SAMD12: variants seen among roughly 807,000 people sequenced by gnomAD.
SAMD12 encodes the protein sterile alpha motif domain containing 12.
A neutral mutation model predicts 15.0 loss-of-function variants in SAMD12; 9 were observed. That is an observed-to-expected ratio of 0.60 (90% CI 0.36 to 1.05). The LOEUF is 1.05. Ranked by LOEUF, SAMD12 falls within the 50% of genes least tolerant of loss-of-function variation. The pLI, the probability that SAMD12 is intolerant of heterozygous loss-of-function variation, is 0.01. For synonymous variants in SAMD12, 86 were observed against 90.1 expected, an observed-to-expected ratio of 0.96 and a Z score of 0.25; for missense variants, 230 against 234.2, an observed-to-expected ratio of 0.98 and a Z score of 0.12.
chr8:118,146,533 C>T, the SAMD12 span, among the ~76,000 whole-genome samples: 2 of 152,136 alleles, frequency 1.3e-5, no homozygotes, highest in East Asian at 3.8e-4. Context: ...ACTAGTGATC[C>T]ATAGGAAAAC....
At chr8:118,156,227 A>G in the SAMD12 span, among the ~76,000 whole-genome samples, 1 of 152,198 alleles carries the variant, frequency 6.6e-6, no homozygotes. Flanking sequence ...TTTCATTTCC[A>G]TGGCACTTTA....
At chr8:118,245,097 C>A (rs763988016) in intron 4 of SAMD12, among the ~76,000 whole-genome samples, 3 of 152,076 alleles carry the variant, frequency 2.0e-5, no homozygotes, top group Non-Finnish European at 4.4e-5. Flanking sequence ...ACTTTCACAC[C>A]CATCTTATTT....
intron 2 of SAMD12, among the ~76,000 whole-genome samples, chr8:118,508,138 T>A (rs1285691039): frequency 1.3e-5 from 2 of 150,664 alleles, no homozygotes; most frequent in African/African-American, 4.9e-5. Context: ...GGACTACAGG[T>A]GTGAGCCACT....
At chr8:118,168,212 A>G in the SAMD12 span, among the ~76,000 whole-genome samples, 1 of 152,272 alleles carries the variant, frequency 6.6e-6, no homozygotes, top group Non-Finnish European at 1.5e-5. Context: ...ATGAAAATAG[A>G]CTAATACACA....
intron 4 of SAMD12, among the ~76,000 whole-genome samples, chr8:118,245,178 C>G (rs1467488886): frequency 2.0e-5 from 3 of 152,110 alleles, no homozygotes; most frequent in Admixed American, 2.0e-4. Flanking sequence ...CAAACAAAAC[C>G]AGGGCATGCC....
At chr8:118,166,852 C>T in the SAMD12 span, among the ~76,000 whole-genome samples, 1 of 152,148 alleles carries the variant, frequency 6.6e-6, no homozygotes, top group Non-Finnish European at 1.5e-5. Context: ...CTGCAAAGCC[C>T]CTTATGTATA....
At chr8:118,382,272 A>T (rs1412896722) in intron 3 of SAMD12, among the ~76,000 whole-genome samples, 2 of 152,138 alleles carry the variant, frequency 1.3e-5, no homozygotes, top group East Asian at 3.9e-4. Context: ...AAGCTGTGGC[A>T]TTTCCTAGCA....
At chr8:118,365,379 G>C (rs1239485718) in intron 4 of SAMD12, among the ~76,000 whole-genome samples, 1 of 152,212 alleles carries the variant, frequency 6.6e-6, no homozygotes, top group African/African-American at 2.4e-5. Context: ...AGCATGCTAA[G>C]TAAAGAGGAG....
intron 3 of SAMD12, among the ~76,000 whole-genome samples, chr8:118,435,869 G>T (rs971154790): frequency 6.6e-6 from 1 of 152,162 alleles, no homozygotes; most frequent in Non-Finnish European, 1.5e-5. Context: ...ACCAGCTCAA[G>T]GGAGAATCCG....
intron 3 of SAMD12, among the ~76,000 whole-genome samples, chr8:118,423,514 G>A (rs1356740315): frequency 6.6e-6 from 1 of 152,108 alleles, no homozygotes; most frequent in African/African-American, 2.4e-5. Flanking sequence ...CATCAATCCA[G>A]CCTTCTCTAA....
intron 2 of SAMD12, among the ~76,000 whole-genome samples, chr8:118,502,196 A>G (rs11774748): frequency 0.39 from 58,554 of 149,232 alleles, 11,438 homozygotes; most frequent in Admixed American, 0.44. Context: ...TTTTAAAACT[A>G]TATCTTCCAG....
At chr8:118,279,332 T>C (rs1482274829) in intron 4 of SAMD12, among the ~76,000 whole-genome samples, 1 of 152,192 alleles carries the variant, frequency 6.6e-6, no homozygotes, top group Non-Finnish European at 1.5e-5. Context: ...AGTAGTCTTA[T>C]ATTATTAATT....
intron 1 of SAMD12, among the ~76,000 whole-genome samples, chr8:118,599,375 T>C (rs1156481347): frequency 6.6e-6 from 1 of 152,194 alleles, no homozygotes; most frequent in Non-Finnish European, 1.5e-5. Context: ...CCATTCCGAA[T>C]TTAACATTCT....
At chr8:118,520,486 A>G (rs750820998) in intron 2 of SAMD12, among the ~76,000 whole-genome samples, 9 of 152,196 alleles carry the variant, frequency 5.9e-5, no homozygotes, top group African/African-American at 2.2e-4. Flanking sequence ...GGTAAAAAAG[A>G]TAATTTTACA....
intron 4 of SAMD12, among the ~76,000 whole-genome samples, chr8:118,251,388 T>C (rs1351206451): frequency 6.6e-6 from 1 of 151,932 alleles, no homozygotes; most frequent in African/African-American, 2.4e-5. Flanking sequence ...CCCGCCCTGG[T>C]TTTTGGTTAT....
At chr8:118,279,894 A>G (rs1448467186) in intron 4 of SAMD12, among the ~76,000 whole-genome samples, 1 of 152,206 alleles carries the variant, frequency 6.6e-6, no homozygotes, top group Non-Finnish European at 1.5e-5. Flanking sequence ...TAGTTGGTGA[A>G]GTAGGTCACT....
intron 4 of SAMD12, among the ~76,000 whole-genome samples, chr8:118,295,200 G>T (rs1358406311): frequency 1.3e-5 from 2 of 152,116 alleles, no homozygotes; most frequent in African/African-American, 4.8e-5. Flanking sequence ...GAATTACAAG[G>T]TCAGAACTCT....
In SAMD12 at chr8:118,366,671, G is replaced by A. The variant is rs142722870; in HGVS notation, c.433+12889C>T. Among the ~76,000 whole-genome samples the A allele has an allele frequency of 8.1e-3, 1,229 of 151,860 alleles. 15 individuals are homozygous for A. Among genetic ancestry groups the A allele is most frequent in the African/African-American group, 0.028 (1,157 of 41,406 alleles). On this transcript the variant is annotated intron_variant, in intron 4 of 4. Coordinates refer to the SAMD12 transcript ENST00000409003. ...CTACTAAAAATACAAAATTAGCTGG[G>A]CGTGGTGGCACATGCCTGTAATCCC...
intron 4 of SAMD12, among the ~76,000 whole-genome samples, chr8:118,348,929 AC>A: frequency 6.6e-6 from 1 of 152,310 alleles, no homozygotes; most frequent in East Asian, 1.9e-4. Flanking sequence ...GTAAACACAG[AC>A]TGTCACAGGC....
Sources: gnomAD v4.1 joint callset for allele counts (sites outside exome capture counted in the v4.1 genomes callset) on GRCh38, gnomAD v4.1.1 for gene constraint, MANE v1.5 for transcripts, NCBI Gene and HGNC (gene_info 2026-07-23, HGNC 2026-07-21) for gene names.